POT1: variants seen among roughly 807,000 people sequenced by gnomAD.
The protein encoded by POT1 is protection of telomeres 1.
POT1 carries 47 observed loss-of-function variants against 78.5 expected under a neutral mutation model. The ratio of observed to expected loss-of-function variants is 0.60; its 90% CI spans 0.47 to 0.76. POT1 has a LOEUF of 0.76. Ranked by LOEUF, POT1 falls within the 30% of genes least tolerant of loss-of-function variation. The probability of loss-of-function intolerance (pLI) is 0.00; values close to 1 mark genes in which losing one functional copy is unlikely to be tolerated. For missense variants in POT1, 646 were observed against 749.9 expected, an observed-to-expected ratio of 0.86 and a Z score of 1.62; for synonymous variants, 259 against 260.7, an observed-to-expected ratio of 0.99 and a Z score of 0.06.
chr7:124,868,195 T>C (rs1795778091), intron 7 of POT1, among the ~76,000 whole-genome samples: 1 of 152,176 alleles, frequency 6.6e-6, no homozygotes, highest in Non-Finnish European at 1.5e-5. Flanking sequence ...GTACTTAGAA[T>C]GACCTTGCTC....
intron 2 of POT1, among the ~76,000 whole-genome samples, chr7:124,919,775 GGT>G (rs1270932277): frequency 6.6e-6 from 1 of 152,034 alleles, no homozygotes; most frequent in Admixed American, 6.6e-5. Flanking sequence ...CCCAATCTGT[GGT>G]ACTTTGTTAT....
chr7:124,928,255 A>G (rs1797323306), intron 2 of POT1, among the ~76,000 whole-genome samples: 1 of 152,210 alleles, frequency 6.6e-6, no homozygotes, highest in Non-Finnish European at 1.5e-5. Flanking sequence ...ATTCGCCAAT[A>G]TATTCTCTAC....
chr7:124,853,214 C>A, intron 9 of POT1, 76 bp from the exon 10 acceptor site: 1 of 1,118,418 alleles, frequency 8.9e-7, no homozygotes, highest in Non-Finnish European at 1.3e-6. Context: ...CTTTAATAAC[C>A]AATATGGGGC....
chr7:124,838,610 CTT>C (rs897837630), intron 14 of POT1, among the ~76,000 whole-genome samples: 2 of 145,780 alleles, frequency 1.4e-5, no homozygotes, highest in Non-Finnish European at 1.5e-5. Flanking sequence ...TTATGGCAAT[CTT>C]TTTTTTTTTT....
intron 6 of POT1, among the ~76,000 whole-genome samples, chr7:124,877,984 TTACA>T (rs1796031242): frequency 6.6e-6 from 1 of 151,692 alleles, no homozygotes; most frequent in Non-Finnish European, 1.5e-5. Flanking sequence ...AAAGTCAAAC[TTACA>T]GAAGTAGAAA....
At chr7:124,886,182 T>C (rs1395244139) in intron 6 of POT1, among the ~76,000 whole-genome samples, 1 of 152,204 alleles carries the variant, frequency 6.6e-6, no homozygotes, top group Non-Finnish European at 1.5e-5. Flanking sequence ...ATTTATAAGA[T>C]GAATTTTCAC....
intron 6 of POT1, 85 bp from the exon 7 acceptor site, chr7:124,871,126 A>C: frequency 2.6e-6 from 3 of 1,153,052 alleles, no homozygotes; most frequent in South Asian, 1.9e-5. Flanking sequence ...CAAAACACCA[A>C]ACCTTATTCT....
At position 124,857,921 on chromosome 7, in the gene POT1, G is replaced by C. The variant is rs1304558845; in HGVS notation, c.702+1036C>G. Among the ~76,000 whole-genome samples, 22 of 152,144 alleles carry C rather than the reference G, an allele frequency of 1.4e-4. 1 individual carries two copies. ...CTGTAACACTTCCTCTGGGGCTTCAGGGGTCACCAGCACCCTCTCAGATGC... is the reference window on the plus strand; with the variant it reads ...CTGTAACACTTCCTCTGGGGCTTCACGGGTCACCAGCACCCTCTCAGATGC... On this transcript the variant is annotated intron_variant, in intron 9 of 18. Transcript: ENST00000357628.
intron 15 of POT1, among the ~76,000 whole-genome samples, chr7:124,831,612 T>A (rs1297335145): frequency 6.6e-6 from 1 of 152,182 alleles, no homozygotes; most frequent in African/African-American, 2.4e-5. Context: ...CGTGACTTCA[T>A]TATGGTCTGT....
At chr7:124,848,151 C>G (rs568252751) in intron 11 of POT1, among the ~76,000 whole-genome samples, 2 of 152,124 alleles carry the variant, frequency 1.3e-5, no homozygotes, top group South Asian at 2.1e-4. Context: ...AACAGCAAAT[C>G]TAGAGGGATT....
intron 14 of POT1, among the ~76,000 whole-genome samples, chr7:124,836,378 C>T (rs1411797442): frequency 6.6e-6 from 1 of 152,140 alleles, no homozygotes; most frequent in Admixed American, 6.5e-5. Context: ...TCTGCTATAT[C>T]ATATTGCAGC....
At chr7:124,883,249 C>A (rs978303969) in intron 6 of POT1, among the ~76,000 whole-genome samples, 1 of 151,980 alleles carries the variant, frequency 6.6e-6, no homozygotes, top group African/African-American at 2.4e-5. Flanking sequence ...ATTCAAAAAG[C>A]ATGGTATCTT....
chr7:124,887,913 A>G lies in POT1; in HGVS notation c.124+4353T>C, dbSNP rs371587317. ...CATGGCTTTTGATGTTTTCGTTTACATGTTTGTTAAAACCTTACATTATCA... is the reference window on the plus strand; with the variant it reads ...CATGGCTTTTGATGTTTTCGTTTACGTGTTTGTTAAAACCTTACATTATCA... On this transcript the variant is annotated intron_variant, in intron 6 of 18. Transcript: ENST00000357628. Among the ~76,000 whole-genome samples the G allele has an allele frequency of 1.1e-3, 162 of 152,198 alleles. No individual in the cohort carries two copies. The South Asian group carries it at 0.021, about 20-fold the overall frequency.
rs570622950 is a variant in POT1, at chr7:124,858,465, T to C, written c.702+492A>G. Among the ~76,000 whole-genome samples the C allele has an allele frequency of 9.6e-4, 146 of 152,138 alleles. 4 individuals are homozygous for C. In the South Asian group the frequency reaches 0.029, roughly 30 times the overall value. On this transcript the variant is annotated intron_variant, in intron 9 of 18. Coordinates refer to ENST00000357628, the MANE Select transcript of POT1 (RefSeq NM_015450.3). The stretch of plus-strand genomic sequence containing the variant: ...GAAGACAGTATGCAAATTCTATAAA[T>C]TACACAGTATACACACACCCAATTT...
intron 3 of POT1, among the ~76,000 whole-genome samples, chr7:124,905,978 C>T (rs980877798): frequency 7.9e-5 from 12 of 151,916 alleles, no homozygotes; most frequent in African/African-American, 2.9e-4. Flanking sequence ...CATTAAAAAG[C>T]CAGGAAACAA....
At chr7:124,827,850 T>C (rs1409679211) in intron 16 of POT1, among the ~76,000 whole-genome samples, 1 of 152,010 alleles carries the variant, frequency 6.6e-6, no homozygotes, top group Non-Finnish European at 1.5e-5. Context: ...GCCAACATGA[T>C]GAAACCCTGT....
chr7:124,854,695 C>A (rs1421087567), intron 9 of POT1, among the ~76,000 whole-genome samples: 2 of 151,168 alleles, frequency 1.3e-5, no homozygotes, highest in Admixed American at 1.3e-4. Context: ...ATATCATAAC[C>A]AGGGAGTAGT....
chr7:124,849,290 T>G (rs1795245990), intron 11 of POT1, among the ~76,000 whole-genome samples: 1 of 152,110 alleles, frequency 6.6e-6, no homozygotes, highest in Non-Finnish European at 1.5e-5. Context: ...ACATACATGG[T>G]TGCCCACAAA....
intron 2 of POT1, among the ~76,000 whole-genome samples, chr7:124,918,868 TGA>T (rs1295157205): frequency 2.0e-5 from 3 of 152,122 alleles, no homozygotes; most frequent in African/African-American, 7.2e-5. Context: ...CCTTCCTCTC[TGA>T]GAGTACAAGA....
Sources: gnomAD v4.1 joint callset for allele counts (sites outside exome capture counted in the v4.1 genomes callset) on GRCh38, gnomAD v4.1.1 for gene constraint, MANE v1.5 for transcripts, NCBI Gene and HGNC (gene_info 2026-07-23, HGNC 2026-07-21) for gene names.